The following PAPPA2 variants were observed in gnomAD, a reference collection of about 807,000 sequenced individuals.
The protein encoded by PAPPA2 is pappalysin-2.
In PAPPA2, 86 loss-of-function variants were observed where a neutral mutation model predicts 176.4. The ratio of observed to expected loss-of-function variants is 0.49; its 90% CI spans 0.41 to 0.58. PAPPA2 has a LOEUF of 0.58. Ranked by LOEUF, PAPPA2 falls within the 20% of genes least tolerant of loss-of-function variation. The pLI is 0.00. For synonymous variants in PAPPA2, 809 were observed against 852.2 expected (o/e 0.95, Z 0.88); for missense variants, 2,073 against 2,256.9 (o/e 0.92, Z 1.65).
At chr1:176,718,158 A>C (rs1249372600) in intron 12 of PAPPA2, among the ~76,000 whole-genome samples, 1 of 152,126 alleles carries the variant, frequency 6.6e-6, no homozygotes, top group Non-Finnish European at 1.5e-5. Flanking sequence ...TCTTAAGTCA[A>C]TTTTAATAAG....
intron 14 of PAPPA2, among the ~76,000 whole-genome samples, chr1:176,764,880 G>T (rs1663879652): frequency 6.6e-6 from 1 of 152,138 alleles, no homozygotes; most frequent in African/African-American, 2.4e-5. Flanking sequence ...ATGGGCGTGA[G>T]CCACCGCATC....
chr1:176,537,017 G>T (rs1364262361), intron 1 of PAPPA2, among the ~76,000 whole-genome samples: 2 of 152,178 alleles, frequency 1.3e-5, no homozygotes, highest in Non-Finnish European at 1.5e-5. Flanking sequence ...AGAGTTCTGT[G>T]TGAACCTTAG....
chr1:176,813,958 G>A (rs1466192187), intron 21 of PAPPA2, among the ~76,000 whole-genome samples: 5 of 152,086 alleles, frequency 3.3e-5, no homozygotes, highest in African/African-American at 9.7e-5. Context: ...GTTAATTTTT[G>A]TATATGGTGT....
rs758198387 is a variant in PAPPA2 at position 176,740,090 on chromosome 1, C to T, written c.4045C>T (p.Arg1349Trp). Reference protein sequence around the residue: ...TSVLLNFSSPRVGISAVALRT... With the variant: ...TSVLLNFSSPWVGISAVALRT... ...AGTGCTGCTGAATTTCTCATCCCCA[C>T]GGGTCGGCATCTCAGCTGTGGCTCT... is the stretch of plus-strand genomic sequence containing the variant. The change falls in exon 14 of 23, where the codon CGG (arginine) becomes TGG (tryptophan). Residue 1349 changes from arginine (R) to tryptophan (W), a missense_variant. Around this residue, in one of 4 missense-constraint regions of PAPPA2, gnomAD observed 846 missense variants for 857.9 expected, o/e 0.99. Transcript: ENST00000367662. 1.5e-5 allele frequency: 24 copies of T among 1,613,792 alleles called. No individual in the cohort carries two copies. Among genetic ancestry groups the T allele is most frequent in the East Asian group, 1.3e-4 (6 of 44,884 alleles).
In PAPPA2 at chr1:176,648,543, C is replaced by T. The variant is rs200902323; in HGVS notation, c.1992-22427C>T. Reference sequence around the variant, plus strand: ...TAAAGAAAAGGCTTTCAATTTTCCCCCATTCAGTAAATGTTAGCTGTGAGT... The same window carrying T: ...TAAAGAAAAGGCTTTCAATTTTCCCTCATTCAGTAAATGTTAGCTGTGAGT... On this transcript the variant is annotated intron_variant, in intron 3 of 22. Transcript: ENST00000367662. Among the ~76,000 whole-genome samples the T allele has an allele frequency of 4.0e-5, 6 of 151,448 alleles. No individual in the cohort carries two copies. In the East Asian group the frequency reaches 1.2e-3, roughly 29 times the overall value.
At chr1:176,526,397 T>A (rs1649501832) in intron 1 of PAPPA2, among the ~76,000 whole-genome samples, 1 of 152,208 alleles carries the variant, frequency 6.6e-6, no homozygotes, top group Admixed American at 6.5e-5. Flanking sequence ...TATGTTCCAC[T>A]TCCAAGTTTA....
At chr1:176,716,698 G>A (rs1297543719) in intron 12 of PAPPA2, among the ~76,000 whole-genome samples, 1 of 139,360 alleles carries the variant, frequency 7.2e-6, no homozygotes, top group Admixed American at 7.6e-5. Flanking sequence ...TGGAAACTCC[G>A]CTTCCCAGGT....
At chr1:176,765,175 T>G (rs1663908676) in intron 14 of PAPPA2, among the ~76,000 whole-genome samples, 1 of 152,260 alleles carries the variant, frequency 6.6e-6, no homozygotes, top group Non-Finnish European at 1.5e-5. Flanking sequence ...TTCTGTCACC[T>G]TAGAAACCTA....
intron 21 of PAPPA2, among the ~76,000 whole-genome samples, chr1:176,815,018 C>T (rs1037870495): frequency 5.9e-5 from 9 of 152,074 alleles, no homozygotes; most frequent in Admixed American, 5.9e-4. Context: ...TATTGAAGGC[C>T]TTTTCTACAT....
chr1:176,798,580 A>G lies in PAPPA2; in HGVS notation c.5131-1481A>G, dbSNP rs866130723. On this transcript the variant is annotated intron_variant, in intron 20 of 22. Coordinates refer to ENST00000367662, the MANE Select transcript of PAPPA2 (RefSeq NM_020318.3). Reference sequence around the variant, plus strand: ...ATTGATATTTTAAATAATAAAATTTATGACCACTGCTCAGTAGAGCTCCAG... The same window carrying G: ...ATTGATATTTTAAATAATAAAATTTGTGACCACTGCTCAGTAGAGCTCCAG... Among the ~76,000 whole-genome samples the G allele has an allele frequency of 6.6e-5, 10 of 152,364 alleles. No homozygotes were observed. The South Asian group carries it at 2.1e-3, about 32-fold the overall frequency.
chr1:176,676,401 C>T (rs553172531), intron 4 of PAPPA2, among the ~76,000 whole-genome samples: 1 of 151,366 alleles, frequency 6.6e-6, no homozygotes, highest in Non-Finnish European at 1.5e-5. Flanking sequence ...TACTACTCAA[C>T]GAAGTATTAA....
intron 21 of PAPPA2, among the ~76,000 whole-genome samples, chr1:176,800,447 T>C (rs1301221629): frequency 6.6e-6 from 1 of 152,100 alleles, no homozygotes; most frequent in East Asian, 1.9e-4. Context: ...TCACTCAGGG[T>C]TTTGGAGACT....
At chr1:176,487,482 AT>A (rs1241168052) in intron 1 of PAPPA2, among the ~76,000 whole-genome samples, 6 of 152,202 alleles carry the variant, frequency 3.9e-5, no homozygotes, top group Non-Finnish European at 8.8e-5. Flanking sequence ...GAGTTGTTGA[AT>A]TTCCAAAGTA....
intron 1 of PAPPA2, among the ~76,000 whole-genome samples, chr1:176,475,612 A>G (rs1652078813): frequency 3.3e-5 from 5 of 152,242 alleles, no homozygotes; most frequent in Admixed American, 3.3e-4. Context: ...TGCCAGACAT[A>G]TTTACTTTCT....
intron 1 of PAPPA2, 99 bp downstream of exon 1, chr1:176,463,517 ACTT>A (rs1651474744): frequency 6.6e-6 from 1 of 152,176 alleles, no homozygotes. Context: ...GGGGTGTTAG[ACTT>A]CTTGTATTCT....
chr1:176,626,346 T>C (rs941826754), intron 3 of PAPPA2, among the ~76,000 whole-genome samples: 5 of 152,268 alleles, frequency 3.3e-5, no homozygotes, highest in Non-Finnish European at 5.9e-5. Flanking sequence ...ATGTATTTAT[T>C]TGTGTGTCAC....
intron 11 of PAPPA2, among the ~76,000 whole-genome samples, 174 bp from the exon 12 acceptor site, chr1:176,711,661 G>A (rs1051421517): frequency 6.6e-6 from 1 of 152,172 alleles, no homozygotes; most frequent in Non-Finnish European, 1.5e-5. Context: ...ATATCTTGAT[G>A]TTAAAGAGAG....
At chr1:176,767,104 G>A (rs1664005011) in intron 15 of PAPPA2, among the ~76,000 whole-genome samples, 1 of 152,120 alleles carries the variant, frequency 6.6e-6, no homozygotes, top group South Asian at 2.1e-4. Context: ...GGAAGGCAGA[G>A]CCCTTATTAC....
chr1:176,615,387 T>G (rs1655145000), intron 3 of PAPPA2, among the ~76,000 whole-genome samples: 1 of 152,216 alleles, frequency 6.6e-6, no homozygotes, highest in African/African-American at 2.4e-5. Flanking sequence ...CTCGGCTCGC[T>G]GCAAGCTCCG....
Sources: gnomAD v4.1 joint callset for allele counts (sites outside exome capture counted in the v4.1 genomes callset) on GRCh38, gnomAD v4.1.1 for gene constraint, gnomAD v4.1.1 regional missense constraint, MANE v1.5 for transcripts, NCBI Gene and HGNC (gene_info 2026-07-23, HGNC 2026-07-21) for gene names.